The following ZMYM6 variants were observed in gnomAD, a reference collection of about 807,000 sequenced individuals.
The protein encoded by ZMYM6 is zinc finger MYM-type containing 6.
In ZMYM6, 90 loss-of-function variants were observed where a neutral mutation model predicts 134.0. That is an observed-to-expected ratio of 0.67 (90% CI 0.57 to 0.80). ZMYM6 has a LOEUF of 0.80. Among genes scored for constraint, ZMYM6 ranks in the 30% least tolerant of loss-of-function variants. The pLI is 0.00. For synonymous variants in ZMYM6, 481 were observed against 524.1 expected, an observed-to-expected ratio of 0.92 and a Z score of 1.12; for missense variants, 1,362 against 1,533.9, an observed-to-expected ratio of 0.89 and a Z score of 1.87.
chr1:34,991,446 G>C (rs1172856300), intron 15 of ZMYM6, among the ~76,000 whole-genome samples: 1 of 152,038 alleles, frequency 6.6e-6, no homozygotes, highest in South Asian at 2.1e-4. Context: ...TTTAAATATA[G>C]TGTATTCTAT....
chr1:35,000,006 G>A (rs911756120), intron 14 of ZMYM6, among the ~76,000 whole-genome samples: 8 of 151,980 alleles, frequency 5.3e-5, no homozygotes, highest in South Asian at 2.1e-4. Context: ...TCAGCTCACC[G>A]CGGCCTTGAC....
chr1:34,992,095 A>G (rs1459920112), intron 15 of ZMYM6, 139 bp downstream of exon 15: 1 of 1,082,040 alleles, frequency 9.2e-7, no homozygotes, highest in East Asian at 2.6e-5. Context: ...TAAATTAAGT[A>G]TTCAAAGCAT....
chr1:35,002,983 G>A (rs1640905241), intron 14 of ZMYM6, among the ~76,000 whole-genome samples: 1 of 151,692 alleles, frequency 6.6e-6, no homozygotes, highest in Non-Finnish European at 1.5e-5. Flanking sequence ...GACTAGCCTG[G>A]GCAACATAGC....
Position 35,010,482 on chromosome 1 carries a change from C to T in ZMYM6, c.1457G>A (p.Arg486Gln), listed in dbSNP as rs769798263. ...KLQKIIKETV[R>Q]FSGVDKPFCS... is the part of the protein sequence containing the mutation. ...GAATGGCTTATCAACCCCTGAGAAT[C>T]GCACAGTCTCCTTTATAATTTTCTG... The change falls in exon 10 of 16, where the codon CGA becomes CAA. Residue 486 changes from arginine (R) to glutamine (Q), a missense_variant. Arg to Gln is a conservative substitution (Grantham distance 43). Transcript: ENST00000357182. 5.6e-6 allele frequency: 9 copies of T among 1,613,538 alleles called. No individual in the cohort carries two copies. Among genetic ancestry groups the T allele is most frequent in the African/African-American group, 1.3e-5 (1 of 74,976 alleles).
rs560152117 is a variant in ZMYM6, at chr1:34,992,181, A to T, written c.2146+53T>A. The T allele has an allele frequency of 5.7e-4, 916 of 1,610,722 alleles. 5 individuals carry two copies. The African/African-American group carries it at 0.01, about 18-fold the overall frequency. ...TCTTTTCCTTTCTTAAAAAACAAAA[A>T]CAAACAAGCCAGAAAACAAGCTTTG... is the stretch of plus-strand genomic sequence containing the variant. On this transcript the variant is annotated intron_variant, in intron 15 of 15. Transcript: ENST00000357182.
At chr1:35,027,527 T>C (rs967216404) in intron 2 of ZMYM6, among the ~76,000 whole-genome samples, 20 of 152,068 alleles carry the variant, frequency 1.3e-4, no homozygotes, top group African/African-American at 4.8e-4. Flanking sequence ...GGCAGGAGGA[T>C]TGCTTGAGGT....
intron 2 of ZMYM6, among the ~76,000 whole-genome samples, chr1:35,027,015 AAG>A (rs954613039): frequency 2.6e-5 from 4 of 152,210 alleles, no homozygotes; most frequent in Non-Finnish European, 5.9e-5. Flanking sequence ...AATTAAAAAA[AAG>A]AGAGAGAGAA....
At chr1:35,013,775 T>C (rs1641131976) in intron 6 of ZMYM6, 1 of 624,828 alleles carries the variant, frequency 1.6e-6, no homozygotes, top group Non-Finnish European at 2.0e-6. Flanking sequence ...CACTGCAACC[T>C]CCACCTCCCG....
Position 34,988,382 on chromosome 1 carries a change from T to C in ZMYM6, c.2700A>G (p.Gln900=). Residue 900 remains glutamine, a synonymous_variant, in exon 16 of 16, where the codon CAA becomes CAG. Transcript: ENST00000357182. ...CAAACCACTTTGACTCTCTGACCTT[T>C]TGAATCAGCTGGTCTTCAATGTCTG... ...LSADIEDQLI[Q]KVRESKWFAL... is the part of the protein sequence containing the mutation. 1 of 1,551,660 alleles carries C rather than the reference T, an allele frequency of 6.4e-7. No homozygotes were observed. The highest frequency in any genetic ancestry group is 8.7e-7 in the Non-Finnish European group (1 of 1,146,954).
chr1:34,988,648 C>A lies in ZMYM6; in HGVS notation c.2434G>T (p.Glu812Ter), dbSNP rs778183058. 1.3e-6 allele frequency: 2 copies of A among 1,547,384 alleles called. No homozygotes were observed. The highest frequency in any genetic ancestry group is 1.7e-6 in the Non-Finnish European group (2 of 1,145,684). The part of the protein sequence containing the change: ...DFFEQKSLEM[E>*]CQNSSLKKCL... ...TTTTTTAAAGAACTATTTTGACATT[C>A]CATTTCTAAAGATTTTTGTTCAAAA... The change falls in exon 16 of 16, where the codon GAA becomes TAA. Residue 812 changes from glutamate (E) to a stop codon, truncating the protein, a stop_gained. Transcript: ENST00000357182. LOFTEE classifies it high-confidence loss of function.
chr1:35,012,663 C>T lies in ZMYM6; in HGVS notation c.796-82G>A, dbSNP rs563809181. ...TTCAAAAAAGTAAAAAGAAAAGCTA[C>T]CTACAACCACGGTCCTTGGTTGAAA... On this transcript the variant is annotated intron_variant, in intron 6 of 15. Transcript: ENST00000357182. 15 of 1,540,516 alleles carry T rather than the reference C, an allele frequency of 9.7e-6. No homozygotes were observed. The South Asian group carries it at 1.9e-4, about 19-fold the overall frequency.
chr1:35,002,904 G>A (rs780400196), intron 14 of ZMYM6, among the ~76,000 whole-genome samples: 30 of 152,024 alleles, frequency 2.0e-4, no homozygotes, highest in Non-Finnish European at 4.1e-4. Context: ...GGGCACCATC[G>A]GCTCATGCCT....
At chr1:34,996,421 A>G (rs1037735037) in intron 14 of ZMYM6, among the ~76,000 whole-genome samples, 7 of 152,246 alleles carry the variant, frequency 4.6e-5, no homozygotes, top group African/African-American at 1.7e-4. Context: ...AGATGTGCCA[A>G]AAAATTCAAA....
At chr1:34,990,669 T>C (rs1640657958) in intron 15 of ZMYM6, among the ~76,000 whole-genome samples, 1 of 152,088 alleles carries the variant, frequency 6.6e-6, no homozygotes, top group African/African-American at 2.4e-5. Flanking sequence ...TTATATACAC[T>C]GAAATCTATG....
chr1:35,031,058 C>G (rs984968954), intron 1 of ZMYM6, among the ~76,000 whole-genome samples: 1 of 152,170 alleles, frequency 6.6e-6, no homozygotes, highest in Non-Finnish European at 1.5e-5. Flanking sequence ...TAGTTTCTGA[C>G]CCCATAAGAA....
At chr1:34,990,724 GAATAA>G (rs1396815211) in intron 15 of ZMYM6, among the ~76,000 whole-genome samples, 1 of 151,430 alleles carries the variant, frequency 6.6e-6, no homozygotes, top group Non-Finnish European at 1.5e-5. Flanking sequence ...ATGTACCCCC[GAATAA>G]AATAAAATAA....
intron 9 of ZMYM6, 28 bp downstream of exon 9, chr1:35,010,730 T>C: frequency 6.5e-7 from 1 of 1,539,862 alleles, no homozygotes; most frequent in Non-Finnish European, 8.7e-7. Context: ...TGAGTTTATA[T>C]ACAATCCCTT....
intron 2 of ZMYM6, among the ~76,000 whole-genome samples, chr1:35,021,641 AAAAG>A (rs1169055128): frequency 6.6e-6 from 1 of 152,140 alleles, no homozygotes; most frequent in East Asian, 1.9e-4. Context: ...GAAAAAGAAA[AAAAG>A]AAAAGTTAAA....
intron 14 of ZMYM6, among the ~76,000 whole-genome samples, chr1:34,997,636 A>C (rs76660114): frequency 0.02 from 2,982 of 152,260 alleles, 102 homozygotes; most frequent in African/African-American, 0.068. Flanking sequence ...AAAAAACACT[A>C]GATTTTTGTA....
Sources: allele counts gnomAD v4.1 joint callset (sites outside exome capture counted in the v4.1 genomes callset), GRCh38; gene constraint gnomAD v4.1.1; transcripts MANE v1.5; gene names NCBI Gene and HGNC (gene_info 2026-07-23, HGNC 2026-07-21).